ADGRG7: variants seen among roughly 807,000 people sequenced by gnomAD.
ADGRG7 encodes adhesion G protein-coupled receptor G7, also known as G-protein coupled receptor 128.
In ADGRG7, 82 loss-of-function variants were observed where a neutral mutation model predicts 88.6. The ratio of observed to expected loss-of-function variants is 0.93; its 90% CI spans 0.77 to 1.11. ADGRG7 has a LOEUF of 1.11. Among genes scored for constraint, ADGRG7 ranks in the 50% most tolerant of loss-of-function variants. The pLI, the probability that ADGRG7 is intolerant of heterozygous loss-of-function variation, is 0.00. For missense variants in ADGRG7, 945 were observed against 953.4 expected (o/e 0.99, Z 0.12); for synonymous variants, 381 against 345.2 (o/e 1.10, Z -1.15).
At chr3:100,630,230 A>C (rs1026236611) in intron 2 of ADGRG7, among the ~76,000 whole-genome samples, 1 of 152,134 alleles carries the variant, frequency 6.6e-6, no homozygotes, top group African/African-American at 2.4e-5. Context: ...TTTAAATTTG[A>C]GGTGTGCTTC....
chr3:100,653,095 A>AT (rs1319251871), intron 11 of ADGRG7, among the ~76,000 whole-genome samples: 1 of 152,232 alleles, frequency 6.6e-6, no homozygotes, highest in East Asian at 1.9e-4. Flanking sequence ...GAGATTCTTG[A>AT]TGAAAATAAG....
At chr3:100,624,694 T>C (rs1707359842) in intron 1 of ADGRG7, among the ~76,000 whole-genome samples, 2 of 152,186 alleles carry the variant, frequency 1.3e-5, no homozygotes, top group Non-Finnish European at 2.9e-5. Flanking sequence ...CTTTAATCCA[T>C]CTTGAGTTAA....
intron 11 of ADGRG7, 173 bp from the exon 12 acceptor site, chr3:100,654,662 T>C (rs1044860580): frequency 2.2e-5 from 12 of 535,226 alleles, no homozygotes; most frequent in African/African-American, 7.7e-5. Context: ...AAGAGGAAAG[T>C]ATAGTTTTCT....
chr3:100,642,737 T>C (rs939072895), intron 6 of ADGRG7, among the ~76,000 whole-genome samples: 1 of 152,240 alleles, frequency 6.6e-6, no homozygotes, highest in Non-Finnish European at 1.5e-5. Flanking sequence ...TGTAAAAACC[T>C]TCAGGGTTTA....
chr3:100,654,141 C>G (rs2149029015), intron 11 of ADGRG7: 1 of 152,400 alleles, frequency 6.6e-6, no homozygotes, highest in Middle Eastern at 3.4e-3. Flanking sequence ...CACAGCTCCA[C>G]CCCGTTCTCC....
intron 1 of ADGRG7, among the ~76,000 whole-genome samples, chr3:100,622,483 GT>G (rs1376251772): frequency 6.6e-6 from 1 of 151,980 alleles, no homozygotes; most frequent in East Asian, 1.9e-4. Flanking sequence ...GCTTTAATTT[GT>G]ATTTCTCTGA....
intron 11 of ADGRG7, among the ~76,000 whole-genome samples, chr3:100,651,983 G>T (rs2094929841): frequency 6.6e-6 from 1 of 152,032 alleles, no homozygotes; most frequent in South Asian, 2.1e-4. Context: ...TTTTCGATGG[G>T]TTTGTTGTGA....
chr3:100,691,218 C>A (rs573033632), intron 15 of ADGRG7, among the ~76,000 whole-genome samples: 2 of 152,284 alleles, frequency 1.3e-5, no homozygotes, highest in East Asian at 3.9e-4. Context: ...TGGAAAAGTG[C>A]GGTATTAGGG....
intron 1 of ADGRG7, 118 bp downstream of exon 1, chr3:100,610,089 G>A: frequency 1.3e-6 from 1 of 746,864 alleles, no homozygotes; most frequent in South Asian, 1.6e-5. Flanking sequence ...TTCCACCAAG[G>A]TGCCATTTAT....
chr3:100,646,216 G>A (rs1370804704), intron 9 of ADGRG7, 108 bp downstream of exon 9: 1 of 645,810 alleles, frequency 1.5e-6, no homozygotes, highest in Non-Finnish European at 2.6e-6. Flanking sequence ...GAATAGGAGG[G>A]CGGGGGGGAG....
At chr3:100,664,373 A>G (rs2094949296) in intron 14 of ADGRG7, among the ~76,000 whole-genome samples, 1 of 152,158 alleles carries the variant, frequency 6.6e-6, no homozygotes, top group Non-Finnish European at 1.5e-5. Flanking sequence ...CTTGATTATT[A>G]CAACCCACCA....
At chr3:100,677,006 G>A (rs58221175) in intron 15 of ADGRG7, among the ~76,000 whole-genome samples, 4,039 of 151,904 alleles carry the variant, frequency 0.027, 164 homozygotes, top group African/African-American at 0.092. Context: ...CTTCTTGTAG[G>A]CAACATATCA....
chr3:100,621,660 G>A (rs1309890622), intron 1 of ADGRG7, among the ~76,000 whole-genome samples: 3 of 152,198 alleles, frequency 2.0e-5, no homozygotes, highest in Admixed American at 1.3e-4. Flanking sequence ...ACATAAAAGT[G>A]CAAAGGAAAG....
At chr3:100,635,462 T>A in intron 4 of ADGRG7, 1 of 1,058,194 alleles carries the variant, frequency 9.5e-7, no homozygotes, top group Admixed American at 3.4e-5. Flanking sequence ...TTATAGTTAA[T>A]CAATCCTGTC....
intron 4 of ADGRG7, among the ~76,000 whole-genome samples, chr3:100,633,853 C>T (rs1707492186): frequency 6.6e-6 from 1 of 152,096 alleles, no homozygotes. Context: ...TAAAAGTTGA[C>T]ATCAGTTTGT....
At chr3:100,689,009 T>C (rs1270675992) in intron 15 of ADGRG7, among the ~76,000 whole-genome samples, 1 of 152,174 alleles carries the variant, frequency 6.6e-6, no homozygotes, top group Non-Finnish European at 1.5e-5. Flanking sequence ...TGTGTGGGAG[T>C]CTAAGTCTCT....
At chr3:100,675,600 A>T (rs957430223) in intron 15 of ADGRG7, among the ~76,000 whole-genome samples, 10 of 151,980 alleles carry the variant, frequency 6.6e-5, no homozygotes, top group Non-Finnish European at 1.3e-4. Context: ...TGGTTTTGGC[A>T]CCAGGGTAAT....
In ADGRG7 at chr3:100,628,172, G is replaced by A. The variant is rs896262423; in HGVS notation, c.116-1426G>A. Among the ~76,000 whole-genome samples, 12 of 152,126 alleles carry A rather than the reference G, an allele frequency of 7.9e-5. No homozygotes were observed. In the East Asian group the frequency reaches 2.3e-3, roughly 29 times the overall value. On this transcript the variant is annotated intron_variant, in intron 1 of 15. Transcript: ENST00000273352. ...CAGCCACTTCTGCCATAGAGACTGG[G>A]TAGTGCCCTTAGTGGAAATACTATA...
chr3:100,683,179 A>G (rs760570927), intron 15 of ADGRG7, among the ~76,000 whole-genome samples: 2 of 152,184 alleles, frequency 1.3e-5, no homozygotes, highest in Non-Finnish European at 2.9e-5. Context: ...ACTTGTCTGC[A>G]TACCTCATTC....
Sources: gnomAD v4.1 joint callset for allele counts (sites outside exome capture counted in the v4.1 genomes callset) on GRCh38, gnomAD v4.1.1 for gene constraint, MANE v1.5 for transcripts, NCBI Gene and HGNC (gene_info 2026-07-23, HGNC 2026-07-21) for gene names.